NTMT2: variants seen among roughly 807,000 people sequenced by gnomAD.
NTMT2 encodes the protein N-terminal Xaa-Pro-Lys N-methyltransferase 2.
In NTMT2, 21 loss-of-function variants were observed where a neutral mutation model predicts 23.4. The ratio of observed to expected loss-of-function variants is 0.90; its 90% CI spans 0.64 to 1.29. The LOEUF (loss-of-function observed/expected upper bound fraction) is 1.29, where lower values mean the gene tolerates loss of function less well. Among genes scored for constraint, NTMT2 ranks in the 50% most tolerant of loss-of-function variants. The pLI, the probability that NTMT2 is intolerant of heterozygous loss-of-function variation, is 0.00. For missense variants in NTMT2, 336 were observed against 352.0 expected (o/e 0.95, Z 0.36); for synonymous variants, 131 against 127.7 (o/e 1.03, Z -0.17).
Position 170,146,179 on chromosome 1 carries a change from T to C in NTMT2, c.72T>C (p.His24=), listed in dbSNP as rs1204152795. 2.8e-5 allele frequency: 44 copies of C among 1,551,496 alleles called. No homozygotes were observed. The highest frequency in any genetic ancestry group is 3.8e-5 in the Non-Finnish European group (44 of 1,146,978). The change falls in exon 1 of 4, where the codon CAT becomes CAC. Residue 24 remains histidine, a synonymous_variant. Transcript: ENST00000439373. ...AGACCGACGATGAACTCTGTAGACA[T>C]AGCATGTCTTTTATCCTTCACAAAG... ...WQKTDDELCR[H]SMSFILHKAI...
chr1:170,149,475 C>T (rs1320620727), intron 1 of NTMT2, among the ~76,000 whole-genome samples: 3 of 152,228 alleles, frequency 2.0e-5, no homozygotes, highest in African/African-American at 7.2e-5. Flanking sequence ...CCCTATTGGA[C>T]TCTCATTCCC....
intron 1 of NTMT2, among the ~76,000 whole-genome samples, chr1:170,149,575 A>G (rs1397942658): frequency 6.6e-6 from 1 of 152,104 alleles, no homozygotes; most frequent in Non-Finnish European, 1.5e-5. Context: ...CACAAAAAAT[A>G]TTTGTTAAAT....
At chr1:170,159,709 C>A (rs1673234655) in intron 1 of NTMT2, among the ~76,000 whole-genome samples, 1 of 152,018 alleles carries the variant, frequency 6.6e-6, no homozygotes, top group Non-Finnish European at 1.5e-5. Flanking sequence ...CAATCTTGAA[C>A]CAGAAGTTCC....
chr1:170,164,137 A>G (rs1673327628), intron 2 of NTMT2, among the ~76,000 whole-genome samples: 1 of 152,118 alleles, frequency 6.6e-6, no homozygotes, highest in Non-Finnish European at 1.5e-5. Flanking sequence ...AAAAAAAAAA[A>G]AAAAAAGACC....
At position 170,168,775 on chromosome 1, in the gene NTMT2, A is replaced by T. The variant is rs1043719020; in HGVS notation, c.*1018A>T. ...TGATTGATATGAATGTATATTGGAA[A>T]GAGAAGCAGCAAAAGAAATGGACAA... On this transcript the variant is annotated 3_prime_UTR_variant, in exon 4 of 4. Coordinates refer to ENST00000439373, the MANE Select transcript of NTMT2 (RefSeq NM_001136107.2). Among the ~76,000 whole-genome samples, 7 of 152,272 alleles carry T rather than the reference A, an allele frequency of 4.6e-5. No individual in the cohort carries two copies. Among genetic ancestry groups the T allele is most frequent in the Admixed American group, 3.9e-4 (6 of 15,292 alleles).
chr1:170,150,090 CAG>C (rs1180187333), intron 1 of NTMT2, among the ~76,000 whole-genome samples: 7 of 152,286 alleles, frequency 4.6e-5, no homozygotes, highest in Admixed American at 4.6e-4. Flanking sequence ...AGGGTCTGCA[CAG>C]AGAGTTTGTT....
Position 170,166,699 on chromosome 1 carries a change from ATTCACACCCCCC to A in NTMT2, c.533_544del (p.Thr178_Phe181del). On this transcript the variant is annotated inframe_deletion, in exon 3 of 4. Coordinates refer to ENST00000439373, the MANE Select transcript of NTMT2 (RefSeq NM_001136107.2). ...GCTACCACTGCTACAGCCTGCAGGAATTCACACCCCCCTTCAGGAGATATGATGTCATCTGGA... is the reference window on the plus strand; with the variant it reads ...GCTACCACTGCTACAGCCTGCAGGAATTCAGGAGATATGATGTCATCTGGA... The A allele has an allele frequency of 1.9e-6, 3 of 1,552,306 alleles. No homozygotes were observed. The highest frequency in any genetic ancestry group is 2.6e-6 in the Non-Finnish European group (3 of 1,147,112).
intron 1 of NTMT2, among the ~76,000 whole-genome samples, chr1:170,158,645 C>T (rs906419483): frequency 6.6e-6 from 1 of 151,908 alleles, no homozygotes; most frequent in Middle Eastern, 3.4e-3. Flanking sequence ...TAATAATTTT[C>T]TTCCCTTCAT....
At position 170,152,274 on chromosome 1, in the gene NTMT2, A is replaced by G. The variant is rs549728712; in HGVS notation, c.154+6013A>G. Among the ~76,000 whole-genome samples, 4 of 152,312 alleles carry G rather than the reference A, an allele frequency of 2.6e-5. No individual in the cohort carries two copies. The South Asian group carries it at 8.3e-4, about 32-fold the overall frequency. ...CCACTATAAAATTCTACAGAGGTGCAAAGGAAGCATGGGGACTGCTGAGTC... is the reference window on the plus strand; with the variant it reads ...CCACTATAAAATTCTACAGAGGTGCGAAGGAAGCATGGGGACTGCTGAGTC... On this transcript the variant is annotated intron_variant, in intron 1 of 3. Transcript: ENST00000439373.
chr1:170,152,244 A>G (rs1387212411), intron 1 of NTMT2, among the ~76,000 whole-genome samples: 1 of 152,242 alleles, frequency 6.6e-6, no homozygotes, highest in Non-Finnish European at 1.5e-5. Context: ...TTAAAGTGGT[A>G]GAGACCACTA....
chr1:170,146,632 T>C (rs936673633), intron 1 of NTMT2, among the ~76,000 whole-genome samples: 7 of 152,194 alleles, frequency 4.6e-5, no homozygotes, highest in Admixed American at 3.9e-4. Context: ...CATTAATACA[T>C]TGAGTAAGAG....
intron 2 of NTMT2, among the ~76,000 whole-genome samples, chr1:170,161,005 T>C (rs1222404773): frequency 2.0e-5 from 3 of 152,102 alleles, no homozygotes; most frequent in African/African-American, 7.2e-5. Context: ...TCTTTTAGAG[T>C]CTCATAAACG....
chr1:170,153,770 A>T (rs1673114301), intron 1 of NTMT2, among the ~76,000 whole-genome samples: 1 of 152,222 alleles, frequency 6.6e-6, no homozygotes, highest in African/African-American at 2.4e-5. Flanking sequence ...AAAAGTTGAA[A>T]ATTTGCAGCC....
intron 2 of NTMT2, among the ~76,000 whole-genome samples, chr1:170,166,140 C>CTTTTTTTTTTTTTTCTT (rs1673377473): frequency 5.9e-5 from 4 of 67,792 alleles, no homozygotes; most frequent in Non-Finnish European, 8.8e-5. Context: ...TTTTTTTTTT[C>CTTTTTTTTTTTTTTCTT]TTTTTTTTTT....
intron 1 of NTMT2, among the ~76,000 whole-genome samples, chr1:170,150,354 C>G (rs548672424): frequency 6.6e-6 from 1 of 152,310 alleles, no homozygotes; most frequent in East Asian, 1.9e-4. Context: ...AACTGATCTT[C>G]AGAAAGAAGT....
intron 2 of NTMT2, among the ~76,000 whole-genome samples, chr1:170,165,698 G>T (rs1271722469): frequency 6.6e-6 from 1 of 152,102 alleles, no homozygotes; most frequent in African/African-American, 2.4e-5. Flanking sequence ...ACTCAGAAAG[G>T]TTCTCACTGT....
intron 1 of NTMT2, among the ~76,000 whole-genome samples, chr1:170,149,083 A>T (rs878923398): frequency 2.6e-5 from 4 of 152,262 alleles, no homozygotes; most frequent in Admixed American, 2.6e-4. Context: ...TGTAAGAGAC[A>T]TTTATGGAAT....
intron 2 of NTMT2, among the ~76,000 whole-genome samples, chr1:170,165,322 A>G (rs1673358259): frequency 6.6e-6 from 1 of 151,774 alleles, no homozygotes; most frequent in Admixed American, 6.6e-5. Flanking sequence ...CCATCCCCTC[A>G]CTCCCAGTTA....
intron 1 of NTMT2, among the ~76,000 whole-genome samples, chr1:170,147,423 T>G (rs1455386491): frequency 6.6e-6 from 1 of 152,190 alleles, no homozygotes; most frequent in Non-Finnish European, 1.5e-5. Flanking sequence ...GATGATGATA[T>G]TTAATCTAGA....
Sources: gnomAD v4.1 joint callset for allele counts (sites outside exome capture counted in the v4.1 genomes callset) on GRCh38, gnomAD v4.1.1 for gene constraint, MANE v1.5 for transcripts, NCBI Gene and HGNC (gene_info 2026-07-23, HGNC 2026-07-21) for gene names.